Variants in MYCBP2 observed in about 807,000 individuals in gnomAD.
MYCBP2 encodes the protein MYC binding protein 2.
A neutral mutation model predicts 525.3 loss-of-function variants in MYCBP2; 120 were observed. That is an observed-to-expected ratio of 0.23 (90% CI 0.20 to 0.27). The LOEUF (loss-of-function observed/expected upper bound fraction) is 0.27. Ranked by LOEUF, MYCBP2 falls within the 10% of genes least tolerant of loss-of-function variation. The pLI, the probability that MYCBP2 is intolerant of heterozygous loss-of-function variation, is 1.00. For synonymous variants in MYCBP2, 1,894 were observed against 1,955.8 expected, an observed-to-expected ratio of 0.97 and a Z score of 0.83; for missense variants, 4,149 against 5,657.1, an observed-to-expected ratio of 0.73 and a Z score of 8.55.
intron 74 of MYCBP2, 77 bp downstream of exon 74, chr13:77,062,511 TTTTGTTTG>T: frequency 8.5e-7 from 1 of 1,180,408 alleles, no homozygotes; most frequent in Non-Finnish European, 1.2e-6. Flanking sequence ...TTGATGTGTT[TTTTGTTTG>T]TTTGTTTGTT....
chr13:77,286,333 C>T (rs1752295223), intron 3 of MYCBP2, among the ~76,000 whole-genome samples: 1 of 152,060 alleles, frequency 6.6e-6, no homozygotes, highest in Admixed American at 6.5e-5. Flanking sequence ...ATTATAAAAT[C>T]ATTTTGAATA....
intron 46 of MYCBP2, among the ~76,000 whole-genome samples, chr13:77,151,394 T>C (rs966882456): frequency 3.3e-5 from 5 of 152,196 alleles, no homozygotes; most frequent in East Asian, 1.9e-4. Flanking sequence ...TGTACTCTAT[T>C]TATAGAAGTT....
chr13:77,300,263 G>A (rs2078632408), intron 1 of MYCBP2, among the ~76,000 whole-genome samples: 1 of 152,124 alleles, frequency 6.6e-6, no homozygotes, highest in Admixed American at 6.5e-5. Context: ...TGTAAAGCAG[G>A]AATAGGGAAA....
intron 44 of MYCBP2, among the ~76,000 whole-genome samples, chr13:77,159,884 A>G: frequency 6.6e-6 from 1 of 152,298 alleles, no homozygotes; most frequent in South Asian, 2.1e-4. Context: ...TGCCTGACAC[A>G]TATTGTTTAT....
At chr13:77,204,799 C>CA (rs1268056529) in intron 26 of MYCBP2, among the ~76,000 whole-genome samples, 1 of 130,090 alleles carries the variant, frequency 7.7e-6, no homozygotes, top group Non-Finnish European at 1.6e-5. Context: ...ATCGCAAGAA[C>CA]AAAAAACCAA....
intron 68 of MYCBP2, among the ~76,000 whole-genome samples, chr13:77,071,335 C>T (rs1256270729): frequency 6.6e-6 from 1 of 150,904 alleles, no homozygotes; most frequent in East Asian, 2.0e-4. Context: ...TCGCAACAAC[C>T]CCAGAAGGTA....
At chr13:77,220,020 T>C (rs2065329069) in intron 20 of MYCBP2, among the ~76,000 whole-genome samples, 1 of 152,168 alleles carries the variant, frequency 6.6e-6, no homozygotes, top group Non-Finnish European at 1.5e-5. Flanking sequence ...GTACAGGAAC[T>C]GGTTGAATCT....
intron 49 of MYCBP2, among the ~76,000 whole-genome samples, chr13:77,143,658 T>C (rs1263037966): frequency 6.6e-6 from 1 of 152,188 alleles, no homozygotes; most frequent in Non-Finnish European, 1.5e-5. Context: ...AATATAGACA[T>C]GCATTGCTTA....
chr13:77,197,383 G>A (rs61964705), intron 26 of MYCBP2, among the ~76,000 whole-genome samples: 1 of 152,146 alleles, frequency 6.6e-6, no homozygotes, highest in African/African-American at 2.4e-5. Flanking sequence ...AAAATGTCTA[G>A]ATTTCCGGCC....
chr13:77,098,799 A>G lies in MYCBP2; in HGVS notation c.8355T>C (p.Ser2785=). Residue 2785 remains serine, a synonymous_variant, in exon 56 of 83, where the codon AGT becomes AGC. Transcript: ENST00000544440. ...TGTTATGGTTGGGGGATAATGACCT[A>G]CTGTGGGAATCTGACCTCAACTTTG... ...DAAKLRSDSH[S]RSLSPNHNTL... is the part of the protein sequence containing the mutation. 6.2e-7 allele frequency: 1 copy of G among 1,613,604 alleles called. No homozygotes were observed. Among genetic ancestry groups the G allele is most frequent in the Non-Finnish European group, 8.5e-7 (1 of 1,179,768 alleles).
At chr13:77,118,234 T>TA (rs547066873) in intron 55 of MYCBP2, 110 of 595,358 alleles carry the variant, frequency 1.8e-4, no homozygotes, top group Admixed American at 5.6e-4. Context: ...ACATCCTAAT[T>TA]AAAAAAAACC....
chr13:77,165,279 A>T lies in MYCBP2; in HGVS notation c.6453T>A (p.Pro2151=). ...AAAGATAATTCATTCTTACCTCATC[A>T]GGTCCAGGGCTAAATTCATATCCAA... ...FAIGYEFSPG[P]DEGVIQLEKE... is the part of the protein sequence containing the mutation. The change falls in exon 42 of 83, where the codon CCT becomes CCA. Residue 2151 remains proline (P), a synonymous_variant. Coordinates refer to ENST00000544440, the MANE Select transcript of MYCBP2 (RefSeq NM_015057.5). 2 of 1,597,894 alleles carry T rather than the reference A, an allele frequency of 1.3e-6. No homozygotes were observed. Among genetic ancestry groups the T allele is most frequent in the Non-Finnish European group, 8.6e-7 (1 of 1,168,588 alleles).
At position 77,208,006 on chromosome 13, in the gene MYCBP2, AC is replaced by A. The variant is rs1375592153; in HGVS notation, c.3417-1182del. On this transcript the variant is annotated intron_variant, in intron 23 of 82. Coordinates refer to ENST00000544440, the MANE Select transcript of MYCBP2 (RefSeq NM_015057.5). The stretch of plus-strand genomic sequence containing the variant: ...GAATGAGTATTTGACTGCTTCCTCT[AC>A]TCTATGTTTACTTTAACTCCAAATA... Among the ~76,000 whole-genome samples the A allele has an allele frequency of 1.7e-4, 21 of 124,406 alleles. No homozygotes were observed. In the Admixed American group the frequency reaches 2.1e-3, roughly 13 times the overall value. The allele number at this position is 124,406 out of a possible 152,430, so 81.6% of individuals were successfully genotyped here.
intron 49 of MYCBP2, among the ~76,000 whole-genome samples, chr13:77,141,511 T>C (rs1337405242): frequency 2.6e-5 from 4 of 152,020 alleles, no homozygotes; most frequent in Admixed American, 2.6e-4. Flanking sequence ...TGGTTCACAA[T>C]TGTAATCCCA....
At chr13:77,322,638 C>CTT (rs2081812087) in intron 1 of MYCBP2, among the ~76,000 whole-genome samples, 2 of 152,184 alleles carry the variant, frequency 1.3e-5, no homozygotes, top group South Asian at 4.1e-4. Context: ...TTTGATAACA[C>CTT]TACAAAGTTA....
rs1054820675 is a variant in MYCBP2, at chr13:77,326,013, A to C, written c.302+461T>G. 2.0e-5 allele frequency among the ~76,000 whole-genome samples: 3 copies of C among 152,144 alleles called. No homozygotes were observed. Among genetic ancestry groups the C allele is most frequent in the African/African-American group, 7.2e-5 (3 of 41,418 alleles). The stretch of plus-strand genomic sequence containing the variant: ...GGTGGAAAGGGCTGGAAGGAATGTC[A>C]TGGGAGAGGCGGCACGTGCAAATAA... On this transcript the variant is annotated intron_variant, in intron 1 of 82. Transcript: ENST00000544440. This position sits in a 1 kb window ranked among gnomAD's most constrained non-coding sequence, Gnocchi z 4.2.
chr13:77,146,265 A>G (rs947964964), intron 47 of MYCBP2, 48 bp from the exon 48 acceptor site: 10 of 1,299,446 alleles, frequency 7.7e-6, no homozygotes, highest in Non-Finnish European at 1.1e-5. Context: ...ATTTAAAAAC[A>G]TTCTCAATTA....
At chr13:77,173,918 G>A (rs980669111) in intron 37 of MYCBP2, among the ~76,000 whole-genome samples, 1 of 152,184 alleles carries the variant, frequency 6.6e-6, no homozygotes, top group Non-Finnish European at 1.5e-5. Flanking sequence ...TCTGTGACTA[G>A]ATAACAAGAT....
chr13:77,213,883 G>A (rs1038002614), intron 21 of MYCBP2, among the ~76,000 whole-genome samples: 2 of 152,216 alleles, frequency 1.3e-5, no homozygotes, highest in African/African-American at 4.8e-5. Context: ...TATGTTTCCT[G>A]TAAGCAGAAG....
Sources: allele counts gnomAD v4.1 joint callset (sites outside exome capture counted in the v4.1 genomes callset), GRCh38; gene constraint gnomAD v4.1.1; non-coding constraint Gnocchi (gnomAD v3.1); transcripts MANE v1.5; gene names NCBI Gene and HGNC (gene_info 2026-07-23, HGNC 2026-07-21).